KLF8: variants seen among roughly 807,000 people sequenced by gnomAD.
The protein encoded by KLF8 is KLF transcription factor 8.
KLF8 carries 10 observed loss-of-function variants against 18.2 expected under a neutral mutation model. The observed-to-expected ratio is 0.55, with a 90% confidence interval of 0.34 to 0.93. The LOEUF is 0.93. Ranked by LOEUF, KLF8 falls within the 40% of genes least tolerant of loss-of-function variation. The probability of loss-of-function intolerance (pLI) is 0.02; values close to 1 mark genes in which losing one functional copy is unlikely to be tolerated. For missense variants in KLF8, 264 were observed against 277.9 expected (o/e 0.95, Z 0.36); for synonymous variants, 109 against 97.3 (o/e 1.12, Z -0.71).
the KLF8 span, among the ~76,000 whole-genome samples, chrX:56,083,373 A>T: frequency 1.8e-5 from 2 of 112,168 alleles, no homozygotes; most frequent in South Asian, 7.4e-4. Flanking sequence ...ATTCTAAGAA[A>T]TTTAAGCCCT....
At position 56,233,300 on chromosome X, in the gene KLF8, A is replaced by T. The variant is rs1397656441; in HGVS notation, c.-35A>T. 8.3e-7 allele frequency: 1 copy of T among 1,205,193 alleles called. No individual in the cohort carries two copies. Among genetic ancestry groups the T allele is most frequent in the East Asian group, 3.0e-5 (1 of 33,692 alleles). The stretch of plus-strand genomic sequence containing the variant: ...TATGAGCCTCCCGGAGGACGGCATG[A>T]GTTCTGGACACTTCAGGAGTCCTCA... On this transcript the variant is annotated 5_prime_UTR_variant, in exon 1 of 6. Coordinates refer to ENST00000468660, the MANE Select transcript of KLF8 (RefSeq NM_007250.5).
the KLF8 span, among the ~76,000 whole-genome samples, chrX:56,060,250 C>A: frequency 8.9e-6 from 1 of 111,819 alleles, no homozygotes; most frequent in Non-Finnish European, 1.9e-5. Flanking sequence ...AGAGGGCATC[C>A]TTGTCTTGTA....
At chrX:56,168,090 T>C in the KLF8 span, among the ~76,000 whole-genome samples, 2 of 111,545 alleles carry the variant, frequency 1.8e-5, no homozygotes, top group Non-Finnish European at 3.8e-5. Context: ...CAATGGAAAA[T>C]TGGTGAAAGT....
the KLF8 span, among the ~76,000 whole-genome samples, chrX:56,195,981 TAA>T: frequency 6.3e-5 from 7 of 111,322 alleles, no homozygotes; most frequent in Non-Finnish European, 7.5e-5. Flanking sequence ...CCAGGCAAAC[TAA>T]GCTTCATAAG....
At chrX:56,212,846 C>T in the KLF8 span, among the ~76,000 whole-genome samples, 1 of 111,554 alleles carries the variant, frequency 9.0e-6, no homozygotes, top group Non-Finnish European at 1.9e-5. Context: ...AGAGGAGAGA[C>T]GATTAGTGGA....
chrX:56,269,228 A>G (rs2067014573), intron 3 of KLF8, 150 bp from the exon 4 acceptor site: 1 of 1,046,011 alleles, frequency 9.6e-7, no homozygotes, highest in African/African-American at 1.9e-5. Flanking sequence ...TCTTCCTTCC[A>G]TGCAAATACA....
the KLF8 span, among the ~76,000 whole-genome samples, chrX:56,090,658 T>A: frequency 0.11 from 11,966 of 111,260 alleles, 1,130 homozygotes; most frequent in African/African-American, 0.3. Context: ...CTTAAAAAAA[T>A]TAATTTTATA....
chrX:56,076,862 G>T, the KLF8 span, among the ~76,000 whole-genome samples: 2 of 111,941 alleles, frequency 1.8e-5, no homozygotes, highest in Non-Finnish European at 3.8e-5. Context: ...ATCTCACTGT[G>T]GTTTTGATTT....
At chrX:56,209,023 C>T in the KLF8 span, among the ~76,000 whole-genome samples, 3 of 111,654 alleles carry the variant, frequency 2.7e-5, no homozygotes, top group Non-Finnish European at 5.6e-5. Context: ...TGTTGATTTT[C>T]CGTCTAGAAG....
upstream of KLF8, among the ~76,000 whole-genome samples, chrX:56,228,871 C>T (rs1285587506): frequency 1.8e-5 from 2 of 111,728 alleles, no homozygotes; most frequent in Non-Finnish European, 3.8e-5. Flanking sequence ...GTTTTAGCTA[C>T]ATTTTTGTTG....
the KLF8 span, among the ~76,000 whole-genome samples, chrX:55,941,684 A>G: frequency 8.9e-6 from 1 of 111,854 alleles, no homozygotes; most frequent in African/African-American, 3.3e-5. Context: ...GAAAAAAACA[A>G]CCCCAGCAAA....
chrX:56,229,814 C>G (rs1279832049), upstream of KLF8, among the ~76,000 whole-genome samples: 1 of 111,542 alleles, frequency 9.0e-6, no homozygotes, highest in African/African-American at 3.3e-5. Context: ...CATTCCACCG[C>G]CCCCCAACAC....
At chrX:56,035,439 A>T in the KLF8 span, among the ~76,000 whole-genome samples, 1 of 111,898 alleles carries the variant, frequency 8.9e-6, no homozygotes. Context: ...GGGGTAACAG[A>T]TGTCTCTTTG....
intron 4 of KLF8, 72 bp from the exon 5 acceptor site, chrX:56,270,110 T>C: frequency 6.9e-6 from 7 of 1,020,807 alleles, no homozygotes; most frequent in Non-Finnish European, 9.3e-6. Context: ...GTGGCACCAA[T>C]GAATGTAAAT....
At chrX:56,040,136 G>A in the KLF8 span, among the ~76,000 whole-genome samples, 1 of 111,102 alleles carries the variant, frequency 9.0e-6, no homozygotes, top group Admixed American at 9.6e-5. Context: ...CTGAGACAAT[G>A]GGGGCTTCAA....
the KLF8 span, among the ~76,000 whole-genome samples, chrX:55,967,233 A>G: frequency 8.9e-6 from 1 of 111,784 alleles, no homozygotes. Context: ...TCCCAAACCT[A>G]AGGAAAGATA....
At chrX:55,999,285 A>ATTTTTTT in the KLF8 span, among the ~76,000 whole-genome samples, 2 of 33,576 alleles carry the variant, frequency 6.0e-5, no homozygotes, top group Non-Finnish European at 1.1e-4. Flanking sequence ...ATGCCTCCAG[A>ATTTTTTT]TTTTTTTTTT....
At chrX:56,004,941 G>C in the KLF8 span, among the ~76,000 whole-genome samples, 1 of 111,315 alleles carries the variant, frequency 9.0e-6, no homozygotes, top group Non-Finnish European at 1.9e-5. Context: ...ACAAATAAAA[G>C]CCACCCACTT....
chrX:56,226,386 A>C, the KLF8 span, among the ~76,000 whole-genome samples: 1 of 112,259 alleles, frequency 8.9e-6, no homozygotes, highest in Non-Finnish European at 1.9e-5. Flanking sequence ...TGTTTTACTT[A>C]AGTAAATTTC....
Sources: allele counts gnomAD v4.1 joint callset (sites outside exome capture counted in the v4.1 genomes callset), GRCh38; gene constraint gnomAD v4.1.1; transcripts MANE v1.5; gene names NCBI Gene and HGNC (gene_info 2026-07-23, HGNC 2026-07-21).